Variants in TIMM17A observed in about 807,000 individuals in gnomAD.
TIMM17A encodes translocase of inner mitochondrial membrane 17A.
A neutral mutation model predicts 26.5 loss-of-function variants in TIMM17A; 15 were observed. The observed-to-expected ratio is 0.57, with a 90% CI of 0.38 to 0.87. The LOEUF (loss-of-function observed/expected upper bound fraction) is 0.87, where lower values mean the gene tolerates loss of function less well. Ranked by LOEUF, TIMM17A falls within the 40% of genes least tolerant of loss-of-function variation. The pLI is 0.00. For missense variants in TIMM17A, 201 were observed against 210.0 expected, an observed-to-expected ratio of 0.96 and a Z score of 0.27; for synonymous variants, 80 against 70.8, an observed-to-expected ratio of 1.13 and a Z score of -0.66.
At chr1:201,957,795 C>G in intron 3 of TIMM17A, 1 of 376,524 alleles carries the variant, frequency 2.7e-6, no homozygotes, top group Non-Finnish European at 4.4e-6. Flanking sequence ...TTCAGACACT[C>G]GGTGATTTTT....
chr1:201,957,811 T>TG (rs1433968432), intron 3 of TIMM17A: 1 of 451,956 alleles, frequency 2.2e-6, no homozygotes, highest in Non-Finnish European at 3.9e-6. Context: ...TTTTTTTTTT[T>TG]TTTCCTTCTC....
At chr1:201,960,467 G>T (rs1288671659) in intron 3 of TIMM17A, among the ~76,000 whole-genome samples, 1 of 152,044 alleles carries the variant, frequency 6.6e-6, no homozygotes, top group Non-Finnish European at 1.5e-5. Context: ...TGCTAATGTA[G>T]ATGTTGGTAA....
intron 4 of TIMM17A, among the ~76,000 whole-genome samples, chr1:201,964,789 C>T (rs1356651877): frequency 2.0e-5 from 3 of 149,994 alleles, no homozygotes; most frequent in African/African-American, 4.9e-5. Context: ...GCTGGGACTA[C>T]AGGTGTGTGC....
At chr1:201,957,610 T>G (rs1380838993) in intron 3 of TIMM17A, 36 bp downstream of exon 3, 1 of 1,547,104 alleles carries the variant, frequency 6.5e-7, no homozygotes, top group South Asian at 1.2e-5. Context: ...AACTATTTTT[T>G]TCTGTTCCTT....
intron 3 of TIMM17A, among the ~76,000 whole-genome samples, chr1:201,961,876 AG>A (rs969548554): frequency 2.0e-5 from 3 of 151,836 alleles, no homozygotes; most frequent in Admixed American, 2.0e-4. Flanking sequence ...ACCCCACAAC[AG>A]GCTGCCCTTT....
intron 5 of TIMM17A, among the ~76,000 whole-genome samples, chr1:201,967,646 G>A (rs765237898): frequency 2.6e-4 from 39 of 151,686 alleles, no homozygotes; most frequent in Non-Finnish European, 1.0e-4. Context: ...GGGCTCAGGC[G>A]ATCCTCCCAC....
intron 5 of TIMM17A, among the ~76,000 whole-genome samples, chr1:201,966,725 G>A (rs4950801): frequency 1.3e-5 from 2 of 151,014 alleles, no homozygotes; most frequent in Admixed American, 1.3e-4. Flanking sequence ...GCCTGTAATC[G>A]CAGCTCCTTG....
chr1:201,969,143 GAT>G (rs1277715914), intron 5 of TIMM17A, among the ~76,000 whole-genome samples: 2 of 152,138 alleles, frequency 1.3e-5, no homozygotes, highest in African/African-American at 4.8e-5. Flanking sequence ...TTCTAATCTT[GAT>G]ATATGGCAGC....
chr1:201,966,000 G>A (rs2102945523), intron 5 of TIMM17A, among the ~76,000 whole-genome samples: 1 of 152,326 alleles, frequency 6.6e-6, no homozygotes, highest in African/African-American at 2.4e-5. Flanking sequence ...TTTAGATAGT[G>A]TTGCTTGTTT....
intron 4 of TIMM17A, among the ~76,000 whole-genome samples, chr1:201,964,257 A>G (rs1682583813): frequency 6.6e-6 from 1 of 152,222 alleles, no homozygotes; most frequent in South Asian, 2.1e-4. Context: ...TTCAGGTCCC[A>G]GTTCTGCCAT....
intron 4 of TIMM17A, among the ~76,000 whole-genome samples, chr1:201,964,635 C>CTTTTTTTTTTTTTTTTTTTTTT (rs570309464): frequency 9.9e-5 from 9 of 90,964 alleles, no homozygotes; most frequent in African/African-American, 2.6e-4. Flanking sequence ...TATTTTATTT[C>CTTTTTTTTTTTTTTTTTTTTTT]TTTTTTTTTT....
intron 3 of TIMM17A, chr1:201,962,109 T>G (rs1460171056): frequency 6.6e-6 from 1 of 152,242 alleles, no homozygotes; most frequent in South Asian, 2.1e-4. Context: ...CTGGCAATGA[T>G]TCTCAGGGGA....
At chr1:201,961,345 G>T (rs989643760) in intron 3 of TIMM17A, among the ~76,000 whole-genome samples, 3 of 152,150 alleles carry the variant, frequency 2.0e-5, no homozygotes, top group African/African-American at 7.2e-5. Context: ...AGGATCACAG[G>T]CGTGAGCCAT....
chr1:201,958,346 G>A (rs1026113840), intron 3 of TIMM17A, among the ~76,000 whole-genome samples: 1 of 152,184 alleles, frequency 6.6e-6, no homozygotes, highest in African/African-American at 2.4e-5. Flanking sequence ...TGTAAACTTG[G>A]TTATTCAGAA....
In TIMM17A at chr1:201,970,282, G is replaced by A. The variant is rs954991140; in HGVS notation, c.*728G>A. 2 of 152,230 alleles carry A rather than the reference G, an allele frequency of 1.3e-5. No homozygotes were observed. Among genetic ancestry groups the A allele is most frequent in the Non-Finnish European group, 2.9e-5 (2 of 68,042 alleles). The allele number at this position is 152,230 out of a possible 1,614,324, so 9.4% of individuals were successfully genotyped here. On this transcript the variant is annotated 3_prime_UTR_variant, in exon 6 of 6. Transcript: ENST00000367287. ...TCTATATGAAGAATTCATGGAGAGT[G>A]TACTGGCACTGGAAGAGTTTAGTGT...
chr1:201,961,894 G>A (rs1682540038), intron 3 of TIMM17A, among the ~76,000 whole-genome samples: 1 of 151,668 alleles, frequency 6.6e-6, no homozygotes, highest in Admixed American at 6.6e-5. Context: ...CTTTGTCAGA[G>A]TATACTCTGA....
intron 1 of TIMM17A, among the ~76,000 whole-genome samples, chr1:201,955,872 A>G (rs1682400299): frequency 6.6e-6 from 1 of 152,202 alleles, no homozygotes; most frequent in South Asian, 2.1e-4. Context: ...ATGCGGGGCC[A>G]GTTATAATCC....
chr1:201,960,588 A>T (rs1285480882), intron 3 of TIMM17A, among the ~76,000 whole-genome samples: 1 of 152,178 alleles, frequency 6.6e-6, no homozygotes, highest in Non-Finnish European at 1.5e-5. Flanking sequence ...CCTAGAGGTT[A>T]GCCTTTTTTA....
At chr1:201,963,510 G>C in intron 3 of TIMM17A, 106 bp from the exon 4 acceptor site, 1 of 1,143,462 alleles carries the variant, frequency 8.7e-7, no homozygotes, top group Non-Finnish European at 1.3e-6. Context: ...TATTTGTTTG[G>C]ACTATAAATT....
Sources: allele counts gnomAD v4.1 joint callset (sites outside exome capture counted in the v4.1 genomes callset), GRCh38; gene constraint gnomAD v4.1.1; transcripts MANE v1.5; gene names NCBI Gene and HGNC (gene_info 2026-07-23, HGNC 2026-07-21).